Variants in ARHGEF12 observed in about 807,000 individuals in gnomAD.
The protein encoded by ARHGEF12 is Rho guanine nucleotide exchange factor 12.
Under a neutral mutation model 211.2 loss-of-function variants are expected in ARHGEF12, and 66 were observed. The ratio of observed to expected loss-of-function variants is 0.31; its 90% CI spans 0.26 to 0.38. The LOEUF (loss-of-function observed/expected upper bound fraction) is 0.38. ARHGEF12 is among the 10% of genes least tolerant of loss of function. The probability of loss-of-function intolerance (pLI) is 1.00; values close to 1 mark genes in which losing one functional copy is unlikely to be tolerated. For synonymous variants in ARHGEF12, 592 were observed against 638.4 expected (o/e 0.93, Z 1.09); for missense variants, 1,429 against 1,869.5 (o/e 0.76, Z 4.34).
At chr11:120,423,978 A>G (rs1945271717) in intron 6 of ARHGEF12, among the ~76,000 whole-genome samples, 1 of 152,190 alleles carries the variant, frequency 6.6e-6, no homozygotes, top group Non-Finnish European at 1.5e-5. Flanking sequence ...ACTTATTTTA[A>G]AAATTATTTT....
chr11:120,463,728 A>G (rs1946608438), intron 27 of ARHGEF12: 1 of 152,144 alleles, frequency 6.6e-6, no homozygotes, highest in South Asian at 2.1e-4. Context: ...AATTGGAGTG[A>G]CCTATTAAAA....
intron 40 of ARHGEF12, 28 bp from the exon 41 acceptor site, chr11:120,485,039 C>A (rs761191704): frequency 6.2e-7 from 1 of 1,609,230 alleles, no homozygotes; most frequent in South Asian, 1.1e-5. Context: ...TTCTTAATAT[C>A]ATTTCCATGT....
chr11:120,381,319 C>G (rs1423532104), intron 1 of ARHGEF12, among the ~76,000 whole-genome samples: 1 of 152,096 alleles, frequency 6.6e-6, no homozygotes, highest in Non-Finnish European at 1.5e-5. Context: ...CTCTAGTCCT[C>G]CTTTTTAATC....
chr11:120,478,092 G>C (rs1201104414), intron 36 of ARHGEF12, 64 bp from the exon 37 acceptor site: 4 of 1,005,192 alleles, frequency 4.0e-6, no homozygotes, highest in Admixed American at 2.4e-5. Flanking sequence ...TTCCCTGAAT[G>C]CTTCATGTTA....
intron 1 of ARHGEF12, chr11:120,337,653 T>C: frequency 2.0e-6 from 2 of 985,426 alleles, no homozygotes; most frequent in Non-Finnish European, 2.4e-6. Flanking sequence ...GCTTTAGCCG[T>C]GTCCTGCAGT....
intron 4 of ARHGEF12, chr11:120,409,699 G>A (rs529445639): frequency 5.1e-5 from 19 of 371,346 alleles, no homozygotes; most frequent in African/African-American, 1.9e-4. Context: ...ATCTTCTCCC[G>A]TCTTGTTTAT....
chr11:120,347,266 C>CTCTCTCTCTCTG (rs1426650315), intron 1 of ARHGEF12, among the ~76,000 whole-genome samples: 1 of 133,596 alleles, frequency 7.5e-6, no homozygotes, highest in African/African-American at 3.0e-5. Context: ...CTCTCTCTCT[C>CTCTCTCTCTCTG]TGTCTGTGTG....
At chr11:120,345,963 T>TG (rs1263124015) in intron 1 of ARHGEF12, among the ~76,000 whole-genome samples, 2 of 152,132 alleles carry the variant, frequency 1.3e-5, no homozygotes, top group African/African-American at 4.8e-5. Flanking sequence ...ATGGCCCAAA[T>TG]GATCCAACTA....
rs375380597 is a variant in ARHGEF12, at chr11:120,406,713, C to G, written c.56+572C>G. On this transcript the variant is annotated intron_variant, in intron 2 of 40. Transcript: ENST00000397843. Reference sequence around the variant, plus strand: ...AGCTGGGACTACAGGCGCCCGCCACCACGCCTGGCTAATTTTTTGTATTTT... The same window carrying G: ...AGCTGGGACTACAGGCGCCCGCCACGACGCCTGGCTAATTTTTTGTATTTT... Among the ~76,000 whole-genome samples, 792 of 152,254 alleles carry G rather than the reference C, an allele frequency of 5.2e-3. 6 individuals carry two copies. Among genetic ancestry groups the G allele is most frequent in the African/African-American group, 0.019 (775 of 41,546 alleles).
At chr11:120,418,465 A>G (rs1432806045) in intron 4 of ARHGEF12, among the ~76,000 whole-genome samples, 6 of 152,334 alleles carry the variant, frequency 3.9e-5, no homozygotes, top group East Asian at 1.9e-4. Context: ...GTTGATAGAC[A>G]TTTGAGTTTC....
At chr11:120,407,860 G>A in intron 3 of ARHGEF12, 37 bp downstream of exon 3, 1 of 1,567,296 alleles carries the variant, frequency 6.4e-7, no homozygotes, top group Non-Finnish European at 8.8e-7. Flanking sequence ...AGTATTGAGA[G>A]TAGTGAAGTT....
At chr11:120,423,283 T>C (rs1202549627) in intron 6 of ARHGEF12, among the ~76,000 whole-genome samples, 2 of 152,172 alleles carry the variant, frequency 1.3e-5, no homozygotes, top group Non-Finnish European at 2.9e-5. Flanking sequence ...AAATGACTAT[T>C]CTCATGAGTT....
chr11:120,373,519 A>T (rs985256846), intron 1 of ARHGEF12, among the ~76,000 whole-genome samples: 1 of 152,242 alleles, frequency 6.6e-6, no homozygotes, highest in Non-Finnish European at 1.5e-5. Context: ...TAGATGCTCA[A>T]TACATATTTG....
chr11:120,446,426 C>G lies in ARHGEF12; in HGVS notation c.1369C>G (p.Pro457Ala), dbSNP rs374054690. The change falls in exon 17 of 41, where the codon CCT becomes GCT. Residue 457 changes from proline to alanine, a missense_variant. Pro to Ala is a conservative substitution (Grantham distance 27). Around this residue, in one of 7 missense-constraint regions of ARHGEF12, gnomAD observed 373 missense variants for 467.5 expected, o/e 0.80. Coordinates refer to ENST00000397843, the MANE Select transcript of ARHGEF12 (RefSeq NM_015313.3). ...AGAAAAGAGAAGACCTGAGCTCATT[C>G]CTGAGGATCTGCATCGCCACTATAT... ...DLEKRRPELI[P>A]EDLHRHYIQT... 1.9e-6 allele frequency: 3 copies of G among 1,612,910 alleles called. No homozygotes were observed. The highest frequency in any genetic ancestry group is 2.5e-6 in the Non-Finnish European group (3 of 1,179,448).
Position 120,487,027 on chromosome 11 carries a change from G to T in ARHGEF12, c.*1950G>T. On this transcript the variant is annotated 3_prime_UTR_variant, in exon 41 of 41. Coordinates refer to ENST00000397843, the MANE Select transcript of ARHGEF12 (RefSeq NM_015313.3). ...CAAGTAAAAACCAAATGGTTACATT[G>T]TGCTGCTAGAAATAATGTCATTCTC... 1 of 216,542 alleles carries T rather than the reference G, an allele frequency of 4.6e-6. No individual in the cohort carries two copies. Among genetic ancestry groups the T allele is most frequent in the Non-Finnish European group, 9.3e-6 (1 of 107,362 alleles). 13.4% of individuals were successfully genotyped at this position (216,542 alleles called of 1,614,324 possible).
intron 21 of ARHGEF12, 61 bp from the exon 22 acceptor site, chr11:120,451,451 A>G (rs1459749349): frequency 5.2e-6 from 8 of 1,546,690 alleles, no homozygotes; most frequent in African/African-American, 1.4e-5. Flanking sequence ...TGTTGGGATT[A>G]TAGGCTTGAG....
rs564188614 is a variant in ARHGEF12 at position 120,421,006 on chromosome 11, A to G, written c.298+155A>G. ...CGTCTATCATGTCATAGTTACAGGA[A>G]GGAGTTTACTCCAGTTGATTTTTTT... On this transcript the variant is annotated intron_variant, in intron 5 of 40. Transcript: ENST00000397843. 2.0e-5 allele frequency among the ~76,000 whole-genome samples: 3 copies of G among 152,260 alleles called. No homozygotes were observed. The East Asian group carries it at 5.8e-4, about 29-fold the overall frequency.
chr11:120,455,532 A>G lies in ARHGEF12; in HGVS notation c.2057-1586A>G, dbSNP rs1044800130. Among the ~76,000 whole-genome samples the G allele has an allele frequency of 5.9e-5, 9 of 152,368 alleles. No individual in the cohort carries two copies. The East Asian group carries it at 1.5e-3, about 26-fold the overall frequency. On this transcript the variant is annotated intron_variant, in intron 22 of 40. Transcript: ENST00000397843. Reference sequence around the variant, plus strand: ...GAATAAAGACATTTTCAGATACACAAGGTCCACAGTTTAACTGGAATGTAC... The same window carrying G: ...GAATAAAGACATTTTCAGATACACAGGGTCCACAGTTTAACTGGAATGTAC...
chr11:120,401,893 AT>A (rs1944556882), intron 1 of ARHGEF12, among the ~76,000 whole-genome samples: 4 of 152,046 alleles, frequency 2.6e-5, no homozygotes, highest in Non-Finnish European at 5.9e-5. Context: ...CTTTAAATTT[AT>A]TTTTTCTTTT....
Sources: gnomAD v4.1 joint callset for allele counts (sites outside exome capture counted in the v4.1 genomes callset) on GRCh38, gnomAD v4.1.1 for gene constraint, gnomAD v4.1.1 regional missense constraint, MANE v1.5 for transcripts, NCBI Gene and HGNC (gene_info 2026-07-23, HGNC 2026-07-21) for gene names.